Variants in COQ8B observed in about 807,000 individuals in gnomAD.
COQ8B encodes atypical kinase COQ8B, mitochondrial.
In COQ8B, 44 loss-of-function variants were observed where a neutral mutation model predicts 62.0. That is an observed-to-expected ratio of 0.71 (90% CI 0.56 to 0.91). COQ8B has a LOEUF of 0.91. COQ8B is among the 40% of genes least tolerant of loss of function. COQ8B has a pLI of 0.00. For synonymous variants in COQ8B, 252 were observed against 289.9 expected, an observed-to-expected ratio of 0.87 and a Z score of 1.33; for missense variants, 649 against 731.6, an observed-to-expected ratio of 0.89 and a Z score of 1.30.
chr19:40,702,722 G>A, intron 9 of COQ8B, 29 bp from the exon 10 acceptor site: 1 of 1,600,282 alleles, frequency 6.2e-7, no homozygotes, highest in Non-Finnish European at 8.5e-7. Context: ...AGCCAGGGAA[G>A]GGCCCCGAGC....
Position 40,716,864 on chromosome 19 carries a change from G to A in COQ8B, c.-281C>T, listed in dbSNP as rs1001229682. 4.4e-5 allele frequency: 10 copies of A among 226,864 alleles called. No homozygotes were observed. Among genetic ancestry groups the A allele is most frequent in the African/African-American group, 2.3e-4 (10 of 43,760 alleles). 14.1% of individuals were successfully genotyped at this position (226,864 alleles called of 1,614,324 possible). ...ACCCCGGTGCCCTAGATGCATACCT[G>A]GCCGCGCTTCGGATGCTCAGAGGCA... On this transcript the variant is annotated 5_prime_UTR_variant, in exon 1 of 15. Transcript: ENST00000324464.
chr19:40,692,868 C>G, intron 14 of COQ8B, 83 bp downstream of exon 14: 2 of 1,236,504 alleles, frequency 1.6e-6, no homozygotes, highest in South Asian at 2.6e-5. Flanking sequence ...ATCACCTACT[C>G]GAGTTCCTCA....
chr19:40,705,929 C>T (rs11672197), intron 5 of COQ8B, among the ~76,000 whole-genome samples: 57,126 of 135,924 alleles, frequency 0.42, 11,687 homozygotes, highest in Middle Eastern at 0.48. Flanking sequence ...TACCCTGTCT[C>T]GGGAAAAAAA....
intron 5 of COQ8B, among the ~76,000 whole-genome samples, chr19:40,705,652 G>A (rs2082095181): frequency 6.6e-6 from 1 of 152,276 alleles, no homozygotes; most frequent in East Asian, 1.9e-4. Context: ...TGGCTAAAAC[G>A]AAATACGGAG....
At chr19:40,716,470 T>C (rs2082185731) in intron 1 of COQ8B, 117 bp downstream of exon 1, 1 of 152,270 alleles carries the variant, frequency 6.6e-6, no homozygotes, top group South Asian at 2.1e-4. Context: ...TGAGCCTCTG[T>C]TCTCACGTGT....
In COQ8B at chr19:40,702,616, A is replaced by G. The variant is rs1473257164; in HGVS notation, c.877T>C (p.Cys293Arg). 1 of 1,612,882 alleles carries G rather than the reference A, an allele frequency of 6.2e-7. No individual in the cohort carries two copies. The highest frequency in any genetic ancestry group is 1.3e-5 in the African/African-American group (1 of 74,902). The change falls in exon 10 of 15, where the codon TGT becomes CGT. Residue 293 changes from cysteine (C) to arginine (R), a missense_variant. Transcript: ENST00000324464. ...WECDYRREAA[C>R]AQNFRQLLAN... ...TCAGCTCACCTGAAATTCTGGGCAC[A>G]AGCCGCCTCACGACGGTAGTCACAC...
chr19:40,707,706 C>A (rs1450551614), intron 5 of COQ8B, among the ~76,000 whole-genome samples: 1 of 152,208 alleles, frequency 6.6e-6, no homozygotes, highest in African/African-American at 2.4e-5. Flanking sequence ...CCACCTGCCT[C>A]GGCCTGCCAA....
At position 40,692,399 on chromosome 19, in the gene COQ8B, A is replaced by G. The variant is rs545388454; in HGVS notation, c.1297-26T>C. 17 of 1,604,050 alleles carry G rather than the reference A, an allele frequency of 1.1e-5. No homozygotes were observed. The Admixed American group carries it at 1.2e-4, about 11-fold the overall frequency. On this transcript the variant is annotated intron_variant, in intron 14 of 14. Coordinates refer to ENST00000324464, the MANE Select transcript of COQ8B (RefSeq NM_024876.4). ...CTGGGAGTGGGGGTGGGGGGAGAGC[A>G]AAGGCAGCCAGTGTGGACATAGAGC...
chr19:40,707,533 C>A (rs2082109890), intron 5 of COQ8B, among the ~76,000 whole-genome samples: 1 of 151,944 alleles, frequency 6.6e-6, no homozygotes, highest in South Asian at 2.1e-4. Context: ...TCACTGCAAC[C>A]TCCGCCTCCC....
At position 40,710,058 on chromosome 19, in the gene COQ8B, C is replaced by G; in HGVS notation, c.367+1G>C. On this transcript the variant is annotated splice_donor_variant, in intron 5 of 14. Transcript: ENST00000324464. LOFTEE classifies it high-confidence loss of function. ...GAACCCAGGCAGTGTGGCTCACTCA[C>G]CTGACTGCAGACGACCTCCTGGCAT... The G allele has an allele frequency of 6.2e-7, 1 of 1,613,728 alleles. No individual in the cohort carries two copies. The highest frequency in any genetic ancestry group is 8.5e-7 in the Non-Finnish European group (1 of 1,179,752).
Position 40,713,634 on chromosome 19 carries a change from T to C in COQ8B, c.289+433A>G, listed in dbSNP as rs2082159767. Among the ~76,000 whole-genome samples the C allele has an allele frequency of 3.4e-5, 5 of 148,556 alleles. No individual in the cohort carries two copies. The South Asian group carries it at 1.1e-3, about 31-fold the overall frequency. ...AGGAGGCTGTGGCAGGAGAATTGCT[T>C]GAATGTAGGAGGCAGAGGTTGCAAT... On this transcript the variant is annotated intron_variant, in intron 4 of 14. Transcript: ENST00000324464.
At chr19:40,705,792 T>C (rs905112746) in intron 5 of COQ8B, among the ~76,000 whole-genome samples, 1 of 151,956 alleles carries the variant, frequency 6.6e-6, no homozygotes, top group African/African-American at 2.4e-5. Flanking sequence ...GCTGGGTGTA[T>C]GGTGGCATGT....
chr19:40,714,556 G>A lies in COQ8B; in HGVS notation c.77C>T (p.Ala26Val). 6.2e-7 allele frequency: 1 copy of A among 1,613,202 alleles called. No individual in the cohort carries two copies. Among genetic ancestry groups the A allele is most frequent in the Non-Finnish European group, 8.5e-7 (1 of 1,179,720 alleles). Residue 26 changes from alanine to valine, a missense_variant, in exon 2 of 15, where the codon GCC becomes GTC. Transcript: ENST00000324464. ...LGQTVGWPCG[A>V]LGPGPHRWGP... ...CCAGCGGTGGGGCCCAGGCCCCAGGGCCCCACAAGGCCAACCAACAGTCTG... is the reference window on the plus strand; with the variant it reads ...CCAGCGGTGGGGCCCAGGCCCCAGGACCCCACAAGGCCAACCAACAGTCTG...
chr19:40,715,224 G>C, intron 1 of COQ8B: 1 of 985,072 alleles, frequency 1.0e-6, no homozygotes, highest in Non-Finnish European at 1.2e-6. Flanking sequence ...AGAGGCCCTA[G>C]CGATGGAGCC....
intron 13 of COQ8B, among the ~76,000 whole-genome samples, chr19:40,693,813 T>C (rs68191109): frequency 0.3 from 45,016 of 152,066 alleles, 8,418 homozygotes; most frequent in Non-Finnish European, 0.41. Flanking sequence ...TATTAAGAGG[T>C]GGGCACGGGG....
chr19:40,702,562 A>C (rs2082068602), intron 10 of COQ8B, 38 bp downstream of exon 10: 1 of 1,585,090 alleles, frequency 6.3e-7, no homozygotes, highest in African/African-American at 1.3e-5. Flanking sequence ...CCAGCCTGGG[A>C]GGGAGGGAAG....
At chr19:40,715,651 T>C (rs926054137) in intron 1 of COQ8B, 1 of 971,390 alleles carries the variant, frequency 1.0e-6, no homozygotes, top group African/African-American at 1.8e-5. Flanking sequence ...TCCCCCCCAC[T>C]TGCACACTGA....
At chr19:40,708,178 A>G (rs2082115240) in intron 5 of COQ8B, 1 of 152,086 alleles carries the variant, frequency 6.6e-6, no homozygotes, top group Non-Finnish European at 1.5e-5. Flanking sequence ...CAACAAAGCA[A>G]TTCTTAAGCC....
intron 12 of COQ8B, among the ~76,000 whole-genome samples, chr19:40,699,285 G>T (rs2082042937): frequency 6.6e-6 from 1 of 152,012 alleles, no homozygotes; most frequent in South Asian, 2.1e-4. Context: ...CTTGCTTTAA[G>T]AAGCCTCCCT....
Sources: gnomAD v4.1 joint callset for allele counts (sites outside exome capture counted in the v4.1 genomes callset) on GRCh38, gnomAD v4.1.1 for gene constraint, MANE v1.5 for transcripts, NCBI Gene and HGNC (gene_info 2026-07-23, HGNC 2026-07-21) for gene names.